The following ABCA10 variants were observed in gnomAD, a reference collection of about 807,000 sequenced individuals.
The protein encoded by ABCA10 is ATP-binding cassette sub-family A member 10.
In ABCA10, 169 loss-of-function variants were observed where a neutral mutation model predicts 187.5. The observed-to-expected ratio is 0.90, with a 90% confidence interval of 0.80 to 1.02. The LOEUF (loss-of-function observed/expected upper bound fraction) is 1.02. Ranked by LOEUF, ABCA10 falls within the 50% of genes least tolerant of loss-of-function variation. The pLI is 0.00. For missense variants in ABCA10, 1,727 were observed against 1,812.4 expected (o/e 0.95, Z 0.86); for synonymous variants, 574 against 601.8 (o/e 0.95, Z 0.68).
Position 69,199,293 on chromosome 17 carries a change from T to C in ABCA10, c.1176-2171A>G, listed in dbSNP as rs562169111. On this transcript the variant is annotated intron_variant, in intron 10 of 38. Transcript: ENST00000690296. ...TATCAGTTATCTATTTTAGTATCTA[T>C]TTCCTTAGACTCTGTACTTCCTGAG... is the stretch of plus-strand genomic sequence containing the variant. Among the ~76,000 whole-genome samples, 32 of 152,336 alleles carry C rather than the reference T, an allele frequency of 2.1e-4. 1 individual carries two copies. Among genetic ancestry groups the C allele is most frequent in the Admixed American group, 1.4e-3 (22 of 15,308 alleles).
Position 69,193,823 on chromosome 17 carries a change from C to G in ABCA10, c.1512G>C (p.Val504=). 1 of 1,613,180 alleles carries G rather than the reference C, an allele frequency of 6.2e-7. No homozygotes were observed. The highest frequency in any genetic ancestry group is 8.5e-7 in the Non-Finnish European group (1 of 1,179,634). The stretch of plus-strand genomic sequence containing the variant: ...TAATGTGTTCCTGTACCTCTTGTTC[C>G]ACTTCCTTTGGCTGAATCCCTTTTA... The part of the protein sequence containing the change: ...AKIKGIQPKE[V]EQEVKRIIME... The change falls in exon 13 of 39, where the codon GTG becomes GTC. Residue 504 remains valine (V), a synonymous_variant. Coordinates refer to ENST00000690296, the MANE Select transcript of ABCA10 (RefSeq NM_001377321.1).
At position 69,222,519 on chromosome 17, in the gene ABCA10, T is replaced by A; in HGVS notation, c.199+14A>T. ...GTATCAAAAAAAAATTATAATCAGT[T>A]TTTTTATAGTTACCTGTGTATTCAG... On this transcript the variant is annotated intron_variant, in intron 4 of 38. Transcript: ENST00000690296. 1 of 1,524,764 alleles carries A rather than the reference T, an allele frequency of 6.6e-7. No homozygotes were observed. Among genetic ancestry groups the A allele is most frequent in the Non-Finnish European group, 8.7e-7 (1 of 1,145,086 alleles). The allele number at this position is 1,524,764 out of a possible 1,614,324, so 94.5% of individuals were successfully genotyped here.
At chr17:69,164,603 A>G (rs2074241966) in intron 26 of ABCA10, among the ~76,000 whole-genome samples, 1 of 152,300 alleles carries the variant, frequency 6.6e-6, no homozygotes, top group African/African-American at 2.4e-5. Context: ...TTAGACATTG[A>G]TCAACATTGA....
At chr17:69,185,341 C>G in intron 20 of ABCA10, 136 bp downstream of exon 20, 1 of 778,840 alleles carries the variant, frequency 1.3e-6, no homozygotes, top group South Asian at 3.7e-5. Context: ...AGAAAATTAA[C>G]CCATCAGTTT....
In ABCA10 at chr17:69,194,454, G is replaced by T; in HGVS notation, c.1276C>A (p.Leu426Ile). ...DIYEGQITAILGHNGAGKSTL... is the reference protein window; with the variant it reads ...DIYEGQITAIIGHNGAGKSTL... ...GATTTACCAGCTCCATTATGCCCAA[G>T]TATTGCAGTGATCTGTCCTTCATAT... Residue 426 changes from leucine to isoleucine, a missense_variant, in exon 12 of 39, where the codon CTT (leucine) becomes ATT (isoleucine). Physicochemically the swap from Leu to Ile is conservative, Grantham distance 5. Coordinates refer to ENST00000690296, the MANE Select transcript of ABCA10 (RefSeq NM_001377321.1). The T allele has an allele frequency of 1.9e-6, 3 of 1,613,046 alleles. No individual in the cohort carries two copies. Among genetic ancestry groups the T allele is most frequent in the Non-Finnish European group, 2.5e-6 (3 of 1,179,384 alleles).
chr17:69,201,565 A>T lies in ABCA10; in HGVS notation c.1110T>A (p.Pro370=). 7 of 1,612,546 alleles carry T rather than the reference A, an allele frequency of 4.3e-6. No homozygotes were observed. Among genetic ancestry groups the T allele is most frequent in the Non-Finnish European group, 5.9e-6 (7 of 1,179,598 alleles). ...HHEIFENEIN[P]EHSSDDSFEP... ...CAAAAGAATCATCAGAGGAATGCTC[A>T]GGATTTATTTCATTCTCAAAGATTT... Residue 370 remains proline, a synonymous_variant, in exon 10 of 39, where the codon CCT becomes CCA. Coordinates refer to ENST00000690296, the MANE Select transcript of ABCA10 (RefSeq NM_001377321.1).
chr17:69,188,016 C>T (rs528309093), intron 18 of ABCA10, 137 bp from the exon 19 acceptor site: 17 of 747,216 alleles, frequency 2.3e-5, no homozygotes, highest in Admixed American at 5.8e-5. Context: ...TCAAAATTTA[C>T]GTTAAAAATC....
chr17:69,168,765 T>C (rs1359866643), intron 25 of ABCA10, among the ~76,000 whole-genome samples: 3 of 152,188 alleles, frequency 2.0e-5, no homozygotes, highest in African/African-American at 7.2e-5. Flanking sequence ...GTTCTCATGA[T>C]AGTGGATGGG....
In ABCA10 at chr17:69,174,050, G is replaced by C. The variant is rs181827624; in HGVS notation, c.3162+231C>G. Among the ~76,000 whole-genome samples the C allele has an allele frequency of 4.0e-5, 6 of 151,684 alleles. No homozygotes were observed. In the East Asian group the frequency reaches 1.2e-3, roughly 29 times the overall value. ...TACATATATTTTACTTCTTTCCAAAGAAACAGAGTTCTAAAAAAGAAACCT... is the reference window on the plus strand; with the variant it reads ...TACATATATTTTACTTCTTTCCAAACAAACAGAGTTCTAAAAAAGAAACCT... On this transcript the variant is annotated intron_variant, in intron 25 of 38. Transcript: ENST00000690296.
chr17:69,172,737 A>G (rs2074307224), intron 25 of ABCA10, among the ~76,000 whole-genome samples: 1 of 152,194 alleles, frequency 6.6e-6, no homozygotes, highest in Non-Finnish European at 1.5e-5. Context: ...TACACAAAGC[A>G]AAAAGTAAAA....
At chr17:69,239,792 C>T (rs1396035670) in intron 1 of ABCA10, among the ~76,000 whole-genome samples, 2 of 152,146 alleles carry the variant, frequency 1.3e-5, no homozygotes, top group Non-Finnish European at 2.9e-5. Context: ...AGGACAGCCA[C>T]CTCTAGCTGT....
chr17:69,153,773 A>T, intron 32 of ABCA10, 58 bp downstream of exon 32: 2 of 1,541,170 alleles, frequency 1.3e-6, no homozygotes, highest in Non-Finnish European at 1.7e-6. Context: ...ATATATAATG[A>T]AGAAATGACA....
chr17:69,169,929 A>G (rs927308070), intron 25 of ABCA10, among the ~76,000 whole-genome samples: 1 of 152,166 alleles, frequency 6.6e-6, no homozygotes, highest in African/African-American at 2.4e-5. Flanking sequence ...AGTATTTGTA[A>G]TTATTAAAGG....
intron 25 of ABCA10, among the ~76,000 whole-genome samples, chr17:69,167,519 T>C (rs755923517): frequency 2.0e-5 from 3 of 152,060 alleles, no homozygotes; most frequent in Non-Finnish European, 2.9e-5. Flanking sequence ...AAAAAAGAGA[T>C]TGTAGACAGG....
At position 69,219,303 on chromosome 17, in the gene ABCA10, T is replaced by C. The variant is rs536126498; in HGVS notation, c.530+242A>G. On this transcript the variant is annotated intron_variant, in intron 6 of 38. Coordinates refer to ENST00000690296, the MANE Select transcript of ABCA10 (RefSeq NM_001377321.1). ...CTGCTTGAGGTCGTGGGGTTTGGGGTGGTTTTTATGCGGCATTTTTCGGGC... is the reference window on the plus strand; with the variant it reads ...CTGCTTGAGGTCGTGGGGTTTGGGGCGGTTTTTATGCGGCATTTTTCGGGC... Among the ~76,000 whole-genome samples, 9 of 152,198 alleles carry C rather than the reference T, an allele frequency of 5.9e-5. No homozygotes were observed. In the East Asian group the frequency reaches 1.2e-3, roughly 20 times the overall value.
intron 11 of ABCA10, among the ~76,000 whole-genome samples, chr17:69,194,841 T>C (rs902318754): frequency 6.6e-6 from 1 of 152,056 alleles, no homozygotes; most frequent in African/African-American, 2.4e-5. Flanking sequence ...AGGAAAGAAG[T>C]GTGGCTTAAG....
Position 69,227,200 on chromosome 17 carries a change from C to T in ABCA10, c.-227G>A, listed in dbSNP as rs1036885177. 4.0e-5 allele frequency: 6 copies of T among 148,924 alleles called. No individual in the cohort carries two copies. Among genetic ancestry groups the T allele is most frequent in the Non-Finnish European group, 7.4e-5 (5 of 67,150 alleles). The allele number at this position is 148,924 out of a possible 1,614,324, so 9.2% of individuals were successfully genotyped here. ...TAAGAAAATTCTTGTACAGAAGAGC[C>T]TGAATTTGTTGACGCACGCTTATCT... is the stretch of plus-strand genomic sequence containing the variant. On this transcript the variant is annotated 5_prime_UTR_variant, in exon 2 of 39. Coordinates refer to ENST00000690296, the MANE Select transcript of ABCA10 (RefSeq NM_001377321.1).
chr17:69,188,073 A>G (rs1016744771), intron 18 of ABCA10, among the ~76,000 whole-genome samples, 194 bp from the exon 19 acceptor site: 26 of 152,230 alleles, frequency 1.7e-4, no homozygotes, highest in African/African-American at 6.0e-4. Flanking sequence ...GAGACAGTAA[A>G]TTAATTTTTG....
upstream of ABCA10, among the ~76,000 whole-genome samples, chr17:69,229,026 G>C (rs897975182): frequency 1.3e-5 from 2 of 152,030 alleles, no homozygotes; most frequent in Non-Finnish European, 2.9e-5. Context: ...TGAACAGAGA[G>C]AGAGAAAATG....
Sources: allele counts gnomAD v4.1 joint callset (sites outside exome capture counted in the v4.1 genomes callset), GRCh38; gene constraint gnomAD v4.1.1; transcripts MANE v1.5; gene names NCBI Gene and HGNC (gene_info 2026-07-23, HGNC 2026-07-21).